The following TBC1D22B variants were observed in gnomAD, a reference collection of about 807,000 sequenced individuals.
The protein encoded by TBC1D22B is TBC1 domain family member 22B, also known as chromosome 6 open reading frame 197.
Under a neutral mutation model 69.1 loss-of-function variants are expected in TBC1D22B, and 32 were observed. The observed-to-expected ratio is 0.46, with a 90% CI of 0.35 to 0.62. TBC1D22B has a LOEUF of 0.62. Ranked by LOEUF, TBC1D22B falls within the 20% of genes least tolerant of loss-of-function variation. The pLI, the probability that TBC1D22B is intolerant of heterozygous loss-of-function variation, is 0.00. For synonymous variants in TBC1D22B, 206 were observed against 229.8 expected (o/e 0.90, Z 0.94); for missense variants, 462 against 630.9 (o/e 0.73, Z 2.87).
At chr6:37,274,404 C>T (rs1583532598) in intron 2 of TBC1D22B, among the ~76,000 whole-genome samples, 1 of 152,220 alleles carries the variant, frequency 6.6e-6, no homozygotes, top group South Asian at 2.1e-4. Context: ...TTCAACATAT[C>T]CTTAGGTGTT....
At chr6:37,288,068 C>T (rs1229735030) in intron 7 of TBC1D22B, among the ~76,000 whole-genome samples, 1 of 152,160 alleles carries the variant, frequency 6.6e-6, no homozygotes, top group African/African-American at 2.4e-5. Context: ...TTTAACGGAA[C>T]TTTCAGTTCT....
intron 3 of TBC1D22B, among the ~76,000 whole-genome samples, chr6:37,280,046 A>G (rs866528210): frequency 6.6e-6 from 1 of 152,226 alleles, no homozygotes; most frequent in African/African-American, 2.4e-5. Flanking sequence ...AGCCACTAGC[A>G]TAAGGTTGTC....
intron 1 of TBC1D22B, among the ~76,000 whole-genome samples, chr6:37,269,006 T>TTA (rs1491335426): frequency 5.3e-5 from 8 of 152,178 alleles, no homozygotes; most frequent in Non-Finnish European, 8.8e-5. Flanking sequence ...TTGAATAGTC[T>TTA]TATATATATC....
intron 1 of TBC1D22B, among the ~76,000 whole-genome samples, chr6:37,259,711 G>A (rs1187565223): frequency 1.3e-5 from 2 of 152,056 alleles, no homozygotes; most frequent in Non-Finnish European, 2.9e-5. Flanking sequence ...GAGAACTTTC[G>A]AGTTCAGAAA....
At chr6:37,297,150 G>A (rs906890894) in intron 8 of TBC1D22B, among the ~76,000 whole-genome samples, 5 of 152,130 alleles carry the variant, frequency 3.3e-5, no homozygotes, top group Admixed American at 6.5e-5. Flanking sequence ...AAAACACACA[G>A]CCATAATGCA....
At chr6:37,293,080 T>C (rs1196412857) in intron 8 of TBC1D22B, among the ~76,000 whole-genome samples, 15 of 144,838 alleles carry the variant, frequency 1.0e-4, no homozygotes, top group Non-Finnish European at 2.1e-4. Context: ...TTATTATTAT[T>C]ATTATTTTTT....
intron 1 of TBC1D22B, among the ~76,000 whole-genome samples, chr6:37,260,955 G>A (rs542785589): frequency 6.6e-5 from 10 of 152,232 alleles, no homozygotes; most frequent in Admixed American, 6.5e-4. Flanking sequence ...CATTTATGCA[G>A]AGGTTTTTGT....
At position 37,332,184 on chromosome 6, in the gene TBC1D22B, A is replaced by C. The variant is rs146511574; in HGVS notation, c.*1012A>C. The C allele has an allele frequency of 2.0e-5, 3 of 152,574 alleles. No individual in the cohort carries two copies. In the East Asian group the frequency reaches 5.8e-4, roughly 29 times the overall value. 9.5% of individuals were successfully genotyped at this position (152,574 alleles called of 1,614,324 possible). ...GTCCTGCTGTGAGGGGTAGAACGGG[A>C]GGCTGCTGAAGTGAGTAGCTGAGCA... On this transcript the variant is annotated 3_prime_UTR_variant, in exon 13 of 13. Coordinates refer to ENST00000373491, the MANE Select transcript of TBC1D22B (RefSeq NM_017772.4).
intron 8 of TBC1D22B, among the ~76,000 whole-genome samples, chr6:37,296,725 A>G (rs977584351): frequency 7.9e-5 from 12 of 152,062 alleles, no homozygotes; most frequent in African/African-American, 2.7e-4. Flanking sequence ...AATGTCAAAC[A>G]TCGTATCATT....
Position 37,257,885 on chromosome 6 carries a change from G to T in TBC1D22B, c.-33G>T, listed in dbSNP as rs1244253653. 2 of 1,609,946 alleles carry T rather than the reference G, an allele frequency of 1.2e-6. No homozygotes were observed. Among genetic ancestry groups the T allele is most frequent in the Non-Finnish European group, 1.7e-6 (2 of 1,178,410 alleles). ...GGGCATCTCGCCGGGCAAACCCTTG[G>T]CCCGCCTACAAGGACTTCCCCCGGC... On this transcript the variant is annotated 5_prime_UTR_variant, in exon 1 of 13. Transcript: ENST00000373491.
intron 10 of TBC1D22B, 117 bp downstream of exon 10, chr6:37,314,008 ACT>A: frequency 2.2e-6 from 2 of 908,564 alleles, no homozygotes. Flanking sequence ...TTTCCAGCGC[ACT>A]GAGTGCTGCT....
chr6:37,312,778 G>T lies in TBC1D22B; in HGVS notation c.983-140G>T. 3 of 650,308 alleles carry T rather than the reference G, an allele frequency of 4.6e-6. No individual in the cohort carries two copies. The East Asian group carries it at 8.0e-5, about 17-fold the overall frequency. The allele number at this position is 650,308 out of a possible 1,614,324, so 40.3% of individuals were successfully genotyped here. A position where few individuals can be genotyped will look rare whatever the true frequency, so the allele number is the denominator to read the frequency against. ...TGCCCACCTGACACAGACAGTAGAG[G>T]GGCAGGCCCTTGTTTCTTAACATCA... is the stretch of plus-strand genomic sequence containing the variant. On this transcript the variant is annotated intron_variant, in intron 8 of 12. Coordinates refer to ENST00000373491, the MANE Select transcript of TBC1D22B (RefSeq NM_017772.4).
chr6:37,306,416 C>A lies in TBC1D22B; in HGVS notation c.983-6502C>A, dbSNP rs116054936. On this transcript the variant is annotated intron_variant, in intron 8 of 12. Transcript: ENST00000373491. ...GACCCTGAGCCTCCCAGAGCCTGTT[C>A]ACATCCACAGCGTCTTAGTAACATG... is the stretch of plus-strand genomic sequence containing the variant. Among the ~76,000 whole-genome samples the A allele has an allele frequency of 3.7e-3, 556 of 152,284 alleles. 2 individuals carry two copies. The highest frequency in any genetic ancestry group is 0.012 in the African/African-American group (516 of 41,540).
chr6:37,264,463 C>T lies in TBC1D22B; in HGVS notation c.57-5131C>T, dbSNP rs141133650. Among the ~76,000 whole-genome samples, 1,149 of 152,206 alleles carry T rather than the reference C, an allele frequency of 7.5e-3. 12 individuals are homozygous for T. The highest frequency in any genetic ancestry group is 0.026 in the African/African-American group (1,061 of 41,496). On this transcript the variant is annotated intron_variant, in intron 1 of 12. Transcript: ENST00000373491. ...GAGTAGCTGGGATTACAGATGTGTG[C>T]CACCAAGCCCAGCTAATTTTTATTT...
At chr6:37,326,598 C>A (rs997684149) in intron 12 of TBC1D22B, among the ~76,000 whole-genome samples, 1 of 152,022 alleles carries the variant, frequency 6.6e-6, no homozygotes, top group South Asian at 2.1e-4. Context: ...ATCATCCTGG[C>A]TTAACGGTGA....
At chr6:37,314,037 T>C in intron 10 of TBC1D22B, 146 bp downstream of exon 10, 2 of 715,150 alleles carry the variant, frequency 2.8e-6, no homozygotes, top group Non-Finnish European at 5.0e-6. Context: ...ACCGGGATCC[T>C]TCCACATCTC....
chr6:37,325,559 TTTTTTTTTG>T (rs1420242360), intron 12 of TBC1D22B, among the ~76,000 whole-genome samples: 1 of 144,620 alleles, frequency 6.9e-6, no homozygotes, highest in African/African-American at 2.6e-5. Context: ...TTTTTTTTTT[TTTTTTTTTG>T]AGATGGAGTC....
intron 12 of TBC1D22B, among the ~76,000 whole-genome samples, chr6:37,327,826 T>C (rs1768473264): frequency 6.6e-6 from 1 of 152,188 alleles, no homozygotes; most frequent in East Asian, 1.9e-4. Flanking sequence ...CCTTGGGATG[T>C]GCACTCCTCC....
intron 10 of TBC1D22B, among the ~76,000 whole-genome samples, chr6:37,314,614 TG>T (rs1015695129): frequency 3.3e-5 from 5 of 152,172 alleles, no homozygotes; most frequent in African/African-American, 9.7e-5. Flanking sequence ...AAGTGAGGCA[TG>T]GGGAGAGAAG....
Sources: allele counts gnomAD v4.1 joint callset (sites outside exome capture counted in the v4.1 genomes callset), GRCh38; gene constraint gnomAD v4.1.1; transcripts MANE v1.5; gene names NCBI Gene and HGNC (gene_info 2026-07-23, HGNC 2026-07-21).